CPED1: variants seen among roughly 807,000 people sequenced by gnomAD.
CPED1 encodes the protein cadherin-like and PC-esterase domain-containing protein 1.
A neutral mutation model predicts 128.2 loss-of-function variants in CPED1; 114 were observed. The observed-to-expected ratio is 0.89, with a 90% CI of 0.76 to 1.04. The LOEUF is 1.04. Among genes scored for constraint, CPED1 ranks in the 50% least tolerant of loss-of-function variants. The pLI, the probability that CPED1 is intolerant of heterozygous loss-of-function variation, is 0.00. For missense variants in CPED1, 1,211 were observed against 1,207.1 expected, an observed-to-expected ratio of 1.00 and a Z score of -0.05; for synonymous variants, 462 against 426.7, an observed-to-expected ratio of 1.08 and a Z score of -1.02.
chr7:121,259,563 T>C (rs1327072441), intron 18 of CPED1, among the ~76,000 whole-genome samples: 1 of 152,070 alleles, frequency 6.6e-6, no homozygotes, highest in Admixed American at 6.6e-5. Flanking sequence ...CACACATTTC[T>C]TTAAATAGAT....
At chr7:121,266,975 A>T (rs1409802682) in intron 20 of CPED1, among the ~76,000 whole-genome samples, 167 bp downstream of exon 20, 4 of 152,074 alleles carry the variant, frequency 2.6e-5, no homozygotes, top group Non-Finnish European at 5.9e-5. Flanking sequence ...GTATCCAGTC[A>T]CAACATGGTT....
At chr7:121,041,781 T>C (rs1793059691) in intron 3 of CPED1, among the ~76,000 whole-genome samples, 1 of 152,218 alleles carries the variant, frequency 6.6e-6, no homozygotes, top group South Asian at 2.1e-4. Flanking sequence ...AGATGTTAGC[T>C]GGTTTCTGAG....
intron 3 of CPED1, among the ~76,000 whole-genome samples, chr7:121,030,510 ATC>A (rs1389724341): frequency 3.9e-5 from 6 of 152,204 alleles, no homozygotes; most frequent in African/African-American, 1.4e-4. Context: ...TTTGTCTAAC[ATC>A]TCCATGCTGT....
intron 16 of CPED1, among the ~76,000 whole-genome samples, chr7:121,208,590 G>T (rs933412361): frequency 6.6e-6 from 1 of 151,966 alleles, no homozygotes; most frequent in Non-Finnish European, 1.5e-5. Flanking sequence ...GATGGTGAAT[G>T]GTAGAGTTAA....
At chr7:121,086,839 C>T (rs1178686551) in intron 5 of CPED1, among the ~76,000 whole-genome samples, 2 of 152,188 alleles carry the variant, frequency 1.3e-5, no homozygotes, top group Non-Finnish European at 2.9e-5. Context: ...ATTGAATGAA[C>T]ATTCTTGAGT....
At chr7:121,092,843 G>C (rs1024021053) in intron 5 of CPED1, among the ~76,000 whole-genome samples, 4 of 152,158 alleles carry the variant, frequency 2.6e-5, no homozygotes, top group Admixed American at 1.3e-4. Flanking sequence ...CTGGTGCTGA[G>C]ACCCTGGCCA....
chr7:121,178,793 T>G (rs1374554908), intron 16 of CPED1, among the ~76,000 whole-genome samples: 3 of 151,982 alleles, frequency 2.0e-5, no homozygotes, highest in South Asian at 4.1e-4. Flanking sequence ...CAAGTTGAAT[T>G]TTTAAGGTAC....
chr7:121,294,155 C>G (rs1792772265), intron 22 of CPED1, among the ~76,000 whole-genome samples: 1 of 152,002 alleles, frequency 6.6e-6, no homozygotes, highest in Non-Finnish European at 1.5e-5. Context: ...TATGATTTCA[C>G]TAGGACAACG....
At chr7:121,251,461 G>T (rs1334779566) in intron 18 of CPED1, among the ~76,000 whole-genome samples, 1 of 152,014 alleles carries the variant, frequency 6.6e-6, no homozygotes, top group Non-Finnish European at 1.5e-5. Context: ...GGAAGTTCTG[G>T]CCAGGGCAAT....
intron 16 of CPED1, among the ~76,000 whole-genome samples, chr7:121,232,076 A>G (rs961651575): frequency 6.6e-6 from 1 of 152,114 alleles, no homozygotes; most frequent in Non-Finnish European, 1.5e-5. Flanking sequence ...ACACAATGGA[A>G]TAATGGTTTG....
intron 16 of CPED1, among the ~76,000 whole-genome samples, chr7:121,167,215 G>A (rs182670204): frequency 6.6e-5 from 10 of 152,160 alleles, no homozygotes; most frequent in African/African-American, 2.4e-4. Flanking sequence ...ATTGCAGTCC[G>A]TTTGAAGTTG....
At chr7:121,232,619 C>T (rs1189357522) in intron 16 of CPED1, among the ~76,000 whole-genome samples, 2 of 152,058 alleles carry the variant, frequency 1.3e-5, no homozygotes, top group Non-Finnish European at 2.9e-5. Context: ...GGGAAAGGAA[C>T]AGCCCTAGTC....
At chr7:121,157,708 T>C (rs769771154) in intron 16 of CPED1, among the ~76,000 whole-genome samples, 9 of 152,130 alleles carry the variant, frequency 5.9e-5, no homozygotes, top group Non-Finnish European at 1.2e-4. Context: ...TGAGAACCCA[T>C]GAATCAGGTA....
intron 2 of CPED1, among the ~76,000 whole-genome samples, chr7:121,013,721 A>G (rs1313122399): frequency 6.6e-6 from 1 of 152,160 alleles, no homozygotes; most frequent in East Asian, 1.9e-4. Flanking sequence ...GTCCTCCTGA[A>G]CTACTCTATG....
intron 3 of CPED1, among the ~76,000 whole-genome samples, chr7:121,041,537 A>G (rs1480571833): frequency 6.6e-6 from 1 of 152,148 alleles, no homozygotes; most frequent in Non-Finnish European, 1.5e-5. Context: ...GCTAATATGA[A>G]CGATGCTATC....
intron 16 of CPED1, among the ~76,000 whole-genome samples, chr7:121,208,123 T>A (rs1797562162): frequency 6.6e-6 from 1 of 151,906 alleles, no homozygotes; most frequent in African/African-American, 2.4e-5. Flanking sequence ...ACCCCCATCA[T>A]CATTAAAATC....
intron 22 of CPED1, among the ~76,000 whole-genome samples, chr7:121,290,995 G>T (rs904177139): frequency 2.0e-5 from 3 of 152,142 alleles, no homozygotes; most frequent in Non-Finnish European, 4.4e-5. Context: ...TGTAAGGAAG[G>T]GGTCCAGTTT....
chr7:121,001,766 C>A (rs571249280), intron 2 of CPED1, among the ~76,000 whole-genome samples: 15 of 152,000 alleles, frequency 9.9e-5, no homozygotes, highest in Non-Finnish European at 1.6e-4. Context: ...GTTGAGTGAC[C>A]ATGGACAAGT....
chr7:121,058,191 C>A (rs536521654), intron 4 of CPED1, among the ~76,000 whole-genome samples: 1 of 152,054 alleles, frequency 6.6e-6, no homozygotes, highest in African/African-American at 2.4e-5. Flanking sequence ...GTAAGGACTG[C>A]GGGCTTTTAC....
Sources: gnomAD v4.1 joint callset for allele counts (sites outside exome capture counted in the v4.1 genomes callset) on GRCh38, gnomAD v4.1.1 for gene constraint, MANE v1.5 for transcripts, NCBI Gene and HGNC (gene_info 2026-07-23, HGNC 2026-07-21) for gene names.